Variants in POT1 observed in about 807,000 individuals in gnomAD.
The protein encoded by POT1 is protection of telomeres protein 1.
Under a neutral mutation model 78.5 loss-of-function variants are expected in POT1, and 47 were observed. The observed-to-expected ratio is 0.60, with a 90% CI of 0.47 to 0.76. The LOEUF (loss-of-function observed/expected upper bound fraction) is 0.76. Ranked by LOEUF, POT1 falls within the 30% of genes least tolerant of loss-of-function variation. POT1 has a pLI of 0.00. For missense variants in POT1, 646 were observed against 749.9 expected, an observed-to-expected ratio of 0.86 and a Z score of 1.62; for synonymous variants, 259 against 260.7, an observed-to-expected ratio of 0.99 and a Z score of 0.06.
intron 18 of POT1, among the ~76,000 whole-genome samples, chr7:124,824,984 C>T (rs887035997): frequency 6.6e-6 from 1 of 152,138 alleles, no homozygotes; most frequent in Non-Finnish European, 1.5e-5. Flanking sequence ...TGTAGCATGA[C>T]AATGTCAAAT....
chr7:124,889,004 C>A (rs1310998146), intron 6 of POT1, among the ~76,000 whole-genome samples: 1 of 151,936 alleles, frequency 6.6e-6, no homozygotes, highest in Non-Finnish European at 1.5e-5. Context: ...AGTCACATGT[C>A]TCTCACTTTA....
In POT1 at chr7:124,854,495, C is replaced by T. The variant is rs369334346; in HGVS notation, c.703-1357G>A. ...TTTCCAATTCTGCTTATTGTAGCTT[C>T]TCTTAATTATATTTCCCCTCATTAC... On this transcript the variant is annotated intron_variant, in intron 9 of 18. Coordinates refer to ENST00000357628, the MANE Select transcript of POT1 (RefSeq NM_015450.3). 1.1e-4 allele frequency among the ~76,000 whole-genome samples: 17 copies of T among 151,978 alleles called. 1 individual carries two copies. Among genetic ancestry groups the T allele is most frequent in the African/African-American group, 4.1e-4 (17 of 41,524 alleles).
intron 16 of POT1, chr7:124,829,021 A>C: frequency 2.8e-6 from 2 of 718,686 alleles, no homozygotes; most frequent in Non-Finnish European, 2.6e-6. Context: ...AGGAGGAAAA[A>C]CAAAATAGTA....
intron 2 of POT1, among the ~76,000 whole-genome samples, chr7:124,921,350 C>A (rs1797145038): frequency 6.6e-6 from 1 of 151,846 alleles, no homozygotes; most frequent in South Asian, 2.1e-4. Context: ...CACTAACTGA[C>A]CAAATGTAAA....
At chr7:124,846,121 T>C (rs1016318732) in intron 12 of POT1, among the ~76,000 whole-genome samples, 3 of 150,900 alleles carry the variant, frequency 2.0e-5, no homozygotes, top group Non-Finnish European at 4.4e-5. Context: ...TGCTTTTTCA[T>C]GGAGAGAGAG....
At chr7:124,875,574 A>G (rs1795970061) in intron 6 of POT1, among the ~76,000 whole-genome samples, 1 of 152,186 alleles carries the variant, frequency 6.6e-6, no homozygotes, top group South Asian at 2.1e-4. Flanking sequence ...AACCATTATT[A>G]GATGAATCAG....
chr7:124,892,505 T>C (rs540188251), intron 5 of POT1, 125 bp from the exon 6 acceptor site: 2 of 480,382 alleles, frequency 4.2e-6, no homozygotes, highest in Non-Finnish European at 7.1e-6. Context: ...AAAGAAGTTA[T>C]AACCTGAAAT....
At chr7:124,831,859 C>T (rs1794766330) in intron 15 of POT1, among the ~76,000 whole-genome samples, 1 of 151,742 alleles carries the variant, frequency 6.6e-6, no homozygotes. Context: ...AGAGTTCACA[C>T]ATATAATGAA....
chr7:124,833,241 A>G (rs955890206), intron 15 of POT1, among the ~76,000 whole-genome samples: 12 of 152,162 alleles, frequency 7.9e-5, no homozygotes, highest in African/African-American at 2.9e-4. Context: ...TTTATGGCTA[A>G]AATTTTATGA....
At chr7:124,910,307 T>C (rs1419322934) in intron 3 of POT1, among the ~76,000 whole-genome samples, 1 of 151,894 alleles carries the variant, frequency 6.6e-6, no homozygotes, top group Non-Finnish European at 1.5e-5. Context: ...AAGTCCATAA[T>C]ACTACCATGA....
rs1447234373 is a variant in POT1 at position 124,829,297 on chromosome 7, G to A, written c.1551C>T (p.Ser517=). ...GAATCCACGATGTTTTATCAACCAG[G>A]GAATTTAGATTTTGTATGGATCTCA... The part of the protein sequence containing the change: ...SSLRSIQNLN[S]LVDKTSWIPS... Residue 517 remains serine (S), a synonymous_variant, in exon 16 of 19, where the codon TCC becomes TCT. Coordinates refer to ENST00000357628, the MANE Select transcript of POT1 (RefSeq NM_015450.3). The A allele has an allele frequency of 6.2e-7, 1 of 1,605,768 alleles. No individual in the cohort carries two copies. Among genetic ancestry groups the A allele is most frequent in the African/African-American group, 1.3e-5 (1 of 74,756 alleles).
At position 124,845,506 on chromosome 7, in the gene POT1, TTC is replaced by T. The variant is rs972126630; in HGVS notation, c.1006+1434_1006+1435del. On this transcript the variant is annotated intron_variant, in intron 12 of 18. Coordinates refer to ENST00000357628, the MANE Select transcript of POT1 (RefSeq NM_015450.3). ...ATCAAGGGGCATACAAAGTGAGTGT[TTC>T]TATTACTGTAGACCTAAACTTTATT... is the stretch of plus-strand genomic sequence containing the variant. 1.6e-4 allele frequency among the ~76,000 whole-genome samples: 24 copies of T among 152,324 alleles called. 1 individual carries two copies. The highest frequency in any genetic ancestry group is 2.4e-4 in the Non-Finnish European group (16 of 68,026).
At chr7:124,871,063 T>C in intron 6 of POT1, 22 bp from the exon 7 acceptor site, 1 of 1,547,492 alleles carries the variant, frequency 6.5e-7, no homozygotes. Context: ...AAAAATATTT[T>C]ACCTGACTTT....
intron 15 of POT1, among the ~76,000 whole-genome samples, chr7:124,831,954 A>AT (rs1794768555): frequency 1.3e-5 from 2 of 150,368 alleles, no homozygotes; most frequent in Admixed American, 1.3e-4. Flanking sequence ...GAAGGGATTG[A>AT]TATGGCATTA....
At chr7:124,901,066 TGG>T (rs1415124923) in intron 3 of POT1, among the ~76,000 whole-genome samples, 2 of 152,050 alleles carry the variant, frequency 1.3e-5, no homozygotes, top group Admixed American at 1.3e-4. Context: ...ATTCCACCTC[TGG>T]GGGCAGGGCA....
At chr7:124,925,904 CATGCAGAAGAGT>C (rs1179845888) in intron 2 of POT1, among the ~76,000 whole-genome samples, 3 of 152,054 alleles carry the variant, frequency 2.0e-5, no homozygotes, top group Non-Finnish European at 4.4e-5. Context: ...GGGATTGCCA[CATGCAGAAGAGT>C]GAAACTGGAA....
chr7:124,842,824 G>A lies in POT1; in HGVS notation c.1146C>T (p.Cys382=). 3.1e-6 allele frequency: 5 copies of A among 1,598,750 alleles called. No individual in the cohort carries two copies. The highest frequency in any genetic ancestry group is 4.3e-6 in the Non-Finnish European group (5 of 1,176,196). The stretch of plus-strand genomic sequence containing the variant: ...ATACTCACAGCAAATGACATTTAGG[G>A]CAATGAAGTTTAACAGACTGAAATA... ...RRLFQSVKLH[C]PKCHLLQEVP... Residue 382 remains cysteine, a synonymous_variant, in exon 13 of 19, where the codon TGC becomes TGT. Coordinates refer to ENST00000357628, the MANE Select transcript of POT1 (RefSeq NM_015450.3).
rs781266162 is a variant in POT1 at position 124,842,768 on chromosome 7, T to G, written c.1163+39A>C. On this transcript the variant is annotated intron_variant, in intron 13 of 18. Coordinates refer to ENST00000357628, the MANE Select transcript of POT1 (RefSeq NM_015450.3). ...ACATATGTGTACATATACACACAAATAATATGAAAACGTTTGTTTTATTAT... is the reference window on the plus strand; with the variant it reads ...ACATATGTGTACATATACACACAAAGAATATGAAAACGTTTGTTTTATTAT... 6.5e-6 allele frequency: 10 copies of G among 1,534,000 alleles called. No homozygotes were observed. The South Asian group carries it at 1.1e-4, about 17-fold the overall frequency.
At chr7:124,885,805 T>C (rs1796231783) in intron 6 of POT1, among the ~76,000 whole-genome samples, 1 of 146,826 alleles carries the variant, frequency 6.8e-6, no homozygotes, top group Non-Finnish European at 1.5e-5. Context: ...TAAAATCATA[T>C]AAAATAAATT....
Sources: gnomAD v4.1 joint callset for allele counts (sites outside exome capture counted in the v4.1 genomes callset) on GRCh38, gnomAD v4.1.1 for gene constraint, MANE v1.5 for transcripts, NCBI Gene and HGNC (gene_info 2026-07-23, HGNC 2026-07-21) for gene names.